TANC2: variants seen among roughly 807,000 people sequenced by gnomAD.
TANC2 encodes the protein protein TANC2.
Under a neutral mutation model 210.5 loss-of-function variants are expected in TANC2, and 26 were observed. That is an observed-to-expected ratio of 0.12 (90% CI 0.09 to 0.17). The LOEUF (loss-of-function observed/expected upper bound fraction) is 0.17, where lower values mean the gene tolerates loss of function less well. TANC2 is among the 10% of genes least tolerant of loss of function. TANC2 has a pLI of 1.00. For missense variants in TANC2, 2,129 were observed against 2,608.9 expected, an observed-to-expected ratio of 0.82 and a Z score of 4.01; for synonymous variants, 931 against 967.1, an observed-to-expected ratio of 0.96 and a Z score of 0.69.
chr17:63,097,452 C>T (rs185982811), intron 3 of TANC2, among the ~76,000 whole-genome samples: 1 of 151,962 alleles, frequency 6.6e-6, no homozygotes, highest in South Asian at 2.1e-4. Context: ...TAGTTTTGCA[C>T]CAACCTAATA....
intron 21 of TANC2, among the ~76,000 whole-genome samples, chr17:63,409,638 C>T (rs1422631780): frequency 6.6e-6 from 1 of 152,102 alleles, no homozygotes; most frequent in Non-Finnish European, 1.5e-5. Flanking sequence ...TTACACAATC[C>T]TAGATGGTAT....
chr17:63,373,336 G>A (rs1254353008), intron 14 of TANC2, among the ~76,000 whole-genome samples: 2 of 152,056 alleles, frequency 1.3e-5, no homozygotes, highest in African/African-American at 4.8e-5. Flanking sequence ...CAAAATCATG[G>A]TTGCTGATTT....
chr17:63,310,874 A>G (rs185646891), intron 9 of TANC2, among the ~76,000 whole-genome samples: 1 of 152,314 alleles, frequency 6.6e-6, no homozygotes, highest in African/African-American at 2.4e-5. Context: ...GGTAAGGTGT[A>G]TCAAAAACAC....
At chr17:63,394,601 C>T (rs764066535) in intron 17 of TANC2, among the ~76,000 whole-genome samples, 40 of 152,334 alleles carry the variant, frequency 2.6e-4, no homozygotes, top group Non-Finnish European at 4.7e-4. Context: ...AGACCTTTTC[C>T]GCCTTAGAGT....
In TANC2 at chr17:63,098,472, ACACACACATACACTCTCT is replaced by A. The variant is rs1167473159; in HGVS notation, c.140-701_140-684del. Among the ~76,000 whole-genome samples the A allele has an allele frequency of 8.6e-4, 32 of 37,196 alleles. 1 individual carries two copies. The highest frequency in any genetic ancestry group is 5.9e-3 in the African/African-American group (31 of 5,254). 24.4% of individuals were successfully genotyped at this position (37,196 alleles called of 152,430 possible). On this transcript the variant is annotated intron_variant, in intron 3 of 27. Coordinates refer to ENST00000689528, the Ensembl canonical transcript of TANC2. ...CACACACACACACACACACACACAC[ACACACACATACACTCTCT>A]CTCTCTCTCTCTCTCTCTCTGTGTG...
chr17:63,194,235 A>G (rs2041272660), intron 6 of TANC2, 96 bp downstream of exon 6: 9 of 1,217,196 alleles, frequency 7.4e-6, no homozygotes, highest in Non-Finnish European at 8.9e-6. Flanking sequence ...GAGGCCTAGA[A>G]TACAACTTAA....
At chr17:63,161,302 C>T (rs536171213) in intron 5 of TANC2, among the ~76,000 whole-genome samples, 2 of 152,194 alleles carry the variant, frequency 1.3e-5, no homozygotes, top group East Asian at 1.9e-4. Context: ...ACAGAAGTTG[C>T]AGTGAGCCGA....
At chr17:63,196,717 A>G (rs78126754) in intron 6 of TANC2, among the ~76,000 whole-genome samples, 4,332 of 152,320 alleles carry the variant, frequency 0.028, 62 homozygotes, top group South Asian at 0.039. Flanking sequence ...TGGATGTGTC[A>G]CTTAACCTCT....
At chr17:63,426,754 C>T (rs1399559828) in exon 28 of TANC2, 1 of 152,266 alleles carries the variant, frequency 6.6e-6, no homozygotes, top group Non-Finnish European at 1.5e-5. Context: ...GCCAGCGCCG[C>T]GCTCATTTTT....
intron 8 of TANC2, among the ~76,000 whole-genome samples, chr17:63,259,937 T>TA (rs1346249669): frequency 6.6e-6 from 1 of 152,240 alleles, no homozygotes; most frequent in Non-Finnish European, 1.5e-5. Context: ...TTTTGTTTCT[T>TA]ACTGCAGAAA....
chr17:63,376,678 C>G (rs2047433784), intron 14 of TANC2, among the ~76,000 whole-genome samples: 1 of 152,068 alleles, frequency 6.6e-6, no homozygotes, highest in Non-Finnish European at 1.5e-5. Flanking sequence ...GATGAATTAA[C>G]CATAATAGAA....
intron 3 of TANC2, among the ~76,000 whole-genome samples, chr17:63,086,078 C>T (rs888365465): frequency 1.3e-5 from 2 of 151,106 alleles, no homozygotes; most frequent in East Asian, 3.9e-4. Flanking sequence ...TGTATTGTTT[C>T]TGAGGAGATA....
intron 7 of TANC2, among the ~76,000 whole-genome samples, chr17:63,219,695 G>A (rs567246397): frequency 5.9e-5 from 9 of 152,264 alleles, no homozygotes; most frequent in African/African-American, 2.2e-4. Context: ...ACAGGCATGA[G>A]CCATCACACC....
chr17:63,281,985 C>T (rs994543216), intron 9 of TANC2, among the ~76,000 whole-genome samples: 2 of 151,968 alleles, frequency 1.3e-5, no homozygotes, highest in African/African-American at 4.8e-5. Context: ...GGACTTCTAG[C>T]CTCCAGAACT....
At chr17:63,103,882 A>G (rs777885681) in intron 4 of TANC2, among the ~76,000 whole-genome samples, 1 of 152,128 alleles carries the variant, frequency 6.6e-6, no homozygotes, top group Non-Finnish European at 1.5e-5. Context: ...TCTCCACTTT[A>G]CAGATGAGCA....
At chr17:63,391,285 A>G (rs2047965424) in intron 17 of TANC2, 1 of 152,148 alleles carries the variant, frequency 6.6e-6, no homozygotes, top group Admixed American at 6.5e-5. Flanking sequence ...TATACTGGCT[A>G]CATTCACCTC....
At chr17:63,407,541 A>G (rs1469539804) in intron 21 of TANC2, among the ~76,000 whole-genome samples, 1 of 152,188 alleles carries the variant, frequency 6.6e-6, no homozygotes, top group African/African-American at 2.4e-5. Flanking sequence ...CAGTGAAGAC[A>G]TTTTCATCTT....
rs113135525 is a variant in TANC2, at chr17:63,357,158, A to T, written c.2582+1768A>T. Among the ~76,000 whole-genome samples, 1,118 of 152,348 alleles carry T rather than the reference A, an allele frequency of 7.3e-3. 13 individuals carry two copies. Among genetic ancestry groups the T allele is most frequent in the African/African-American group, 0.024 (1,016 of 41,584 alleles). Reference sequence around the variant, plus strand: ...GTATATAGGAAAAAGAAACTAATGTAGAATTGCCTAATAAACGCTTTGAGA... The same window carrying T: ...GTATATAGGAAAAAGAAACTAATGTTGAATTGCCTAATAAACGCTTTGAGA... On this transcript the variant is annotated intron_variant, in intron 14 of 27. Transcript: ENST00000689528.
intron 3 of TANC2, among the ~76,000 whole-genome samples, chr17:63,098,466 ACACACACACACACATACACTCTCT>A (rs1289448422): frequency 2.6e-5 from 1 of 38,236 alleles, no homozygotes; most frequent in African/African-American, 1.8e-4. Context: ...ACACACACAC[ACACACACACACACATACACTCTCT>A]CTCTCTCTCT....
Sources: gnomAD v4.1 joint callset for allele counts (sites outside exome capture counted in the v4.1 genomes callset) on GRCh38, gnomAD v4.1.1 for gene constraint, MANE v1.5 for transcripts, NCBI Gene and HGNC (gene_info 2026-07-23, HGNC 2026-07-21) for gene names.